Variants in SHC2 observed in about 807,000 individuals in gnomAD.
The protein encoded by SHC2 is SHC adaptor protein 2.
A neutral mutation model predicts 60.6 loss-of-function variants in SHC2; 62 were observed. The observed-to-expected ratio is 1.02, with a 90% CI of 0.83 to 1.26. The LOEUF is 1.26. Ranked by LOEUF, SHC2 falls within the 50% of genes most tolerant of loss-of-function variation. SHC2 has a pLI of 0.00. For synonymous variants in SHC2, 375 were observed against 372.4 expected (o/e 1.01, Z -0.08); for missense variants, 873 against 822.2 (o/e 1.06, Z -0.76).
In SHC2 at chr19:436,371, G is replaced by T. The variant is rs1974719850; in HGVS notation, c.826+9C>A. 2 of 1,595,084 alleles carry T rather than the reference G, an allele frequency of 1.3e-6. No individual in the cohort carries two copies. The highest frequency in any genetic ancestry group is 1.7e-6 in the Non-Finnish European group (2 of 1,167,424). On this transcript the variant is annotated intron_variant, in intron 6 of 12. Transcript: ENST00000264554. ...ACAGGACCCCCACCGGCCTCCCCGG[G>T]GGCCTCACCTCTCTGGTTGATGGGG...
chr19:453,897 C>T lies in SHC2; in HGVS notation c.468+6632G>A, dbSNP rs1471326734. On this transcript the variant is annotated intron_variant, in intron 1 of 12. Coordinates refer to ENST00000264554, the MANE Select transcript of SHC2 (RefSeq NM_012435.3). This position sits in a 1 kb window ranked among gnomAD's most constrained non-coding sequence, Gnocchi z 6.3. ...CGTGAGGGCACCGCAGAGAGCAGGA[C>T]GGCCTGACTCACGGGACTTCTGTGT... Among the ~76,000 whole-genome samples the T allele has an allele frequency of 3.9e-5, 6 of 152,194 alleles. No homozygotes were observed. The highest frequency in any genetic ancestry group is 4.1e-4 in the South Asian group (2 of 4,830).
Position 440,723 on chromosome 19 carries a change from AG to A in SHC2, c.539+138del. On this transcript the variant is annotated intron_variant, in intron 2 of 12. Coordinates refer to ENST00000264554, the MANE Select transcript of SHC2 (RefSeq NM_012435.3). This position sits in a 1 kb window ranked among gnomAD's most constrained non-coding sequence, Gnocchi z 7.0. ...GGGCGGAGACGTGGCGTGAAGTGGG[AG>A]GGAGGTGGGGGGCACCGAGGCTGCG... is the stretch of plus-strand genomic sequence containing the variant. 1 of 714,544 alleles carries A rather than the reference AG, an allele frequency of 1.4e-6. No individual in the cohort carries two copies. The highest frequency in any genetic ancestry group is 1.7e-5 in the African/African-American group (1 of 58,006). 44.3% of individuals were successfully genotyped at this position (714,544 alleles called of 1,614,324 possible).
At position 441,257 on chromosome 19, in the gene SHC2, C is replaced by T. The variant is rs57563732; in HGVS notation, c.469-325G>A. The stretch of plus-strand genomic sequence containing the variant: ...CTTTCTGTTCCACCAGCACCGAAGC[C>T]GAGGAGCGTGGGGATGGTGCGATCC... On this transcript the variant is annotated intron_variant, in intron 1 of 12. Coordinates refer to ENST00000264554, the MANE Select transcript of SHC2 (RefSeq NM_012435.3). The surrounding 1 kb of genome is among the most constrained non-coding windows in gnomAD (Gnocchi z 4.9). The T allele has an allele frequency of 0.016, 12,313 of 764,300 alleles. 1,268 individuals carry two copies. In the African/African-American group the frequency reaches 0.22, roughly 14 times the overall value. The allele number at this position is 764,300 out of a possible 1,614,324, so 47.3% of individuals were successfully genotyped here. A position where few individuals can be genotyped will look rare whatever the true frequency, so the allele number is the denominator to read the frequency against.
chr19:459,986 C>T (rs976616624), intron 1 of SHC2, among the ~76,000 whole-genome samples: 6 of 152,196 alleles, frequency 3.9e-5, no homozygotes, highest in African/African-American at 1.4e-4. Flanking sequence ...CGCCCGACTT[C>T]CCCGTGTGTT....
chr19:423,965 T>C (rs1367332755), intron 10 of SHC2, among the ~76,000 whole-genome samples: 1 of 152,198 alleles, frequency 6.6e-6, no homozygotes, highest in East Asian at 1.9e-4. Flanking sequence ...GAGCAAGCTC[T>C]TCACGTAGTG....
rs181506465 is a variant in SHC2, at chr19:429,709, C to G, written c.1174+975G>C. ...ACCTATACCCAACATGCACGGAAAC[C>G]TAACACCGTGTGGATGACGCAGTAC... On this transcript the variant is annotated intron_variant, in intron 9 of 12. Transcript: ENST00000264554. Among the ~76,000 whole-genome samples the G allele has an allele frequency of 5.6e-3, 807 of 144,774 alleles. 6 individuals carry two copies. The highest frequency in any genetic ancestry group is 9.3e-3 in the Non-Finnish European group (607 of 65,170). The allele number at this position is 144,774 out of a possible 152,430, so 95.0% of individuals were successfully genotyped here.
At chr19:459,463 T>TGAACCCAGAGTAGGGGGAAGGACCCCA (rs1568301700) in intron 1 of SHC2, among the ~76,000 whole-genome samples, 3 of 53,608 alleles carry the variant, frequency 5.6e-5, no homozygotes, top group Non-Finnish European at 8.5e-5. Context: ...GAAGGACCCC[T>TGAACCCAGAGTAGGGGGAAGGACCCCA]CTCAACTCAG....
chr19:436,538 G>C, intron 5 of SHC2, 92 bp downstream of exon 5: 1 of 1,582,964 alleles, frequency 6.3e-7, no homozygotes, highest in Non-Finnish European at 8.6e-7. Context: ...TGGGCACAGG[G>C]TACGTTAGGC....
chr19:431,017 A>G lies in SHC2; in HGVS notation c.1111-270T>C, dbSNP rs369209612. On this transcript the variant is annotated intron_variant, in intron 8 of 12. Coordinates refer to ENST00000264554, the MANE Select transcript of SHC2 (RefSeq NM_012435.3). ...CAATGGCTGTTCCCCCTGCCTGGAT[A>G]ACCTTCCCCGCTCTGCTCTCCCAGG... is the stretch of plus-strand genomic sequence containing the variant. Among the ~76,000 whole-genome samples, 127 of 152,288 alleles carry G rather than the reference A, an allele frequency of 8.3e-4. No homozygotes were observed. In the Middle Eastern group the frequency reaches 0.01, roughly 12 times the overall value.
Position 461,002 on chromosome 19 carries a change from C to A in SHC2, c.-6G>T. The stretch of plus-strand genomic sequence containing the variant: ...CCGCCCGGACCCTGCGTCATGGCCG[C>A]GGCCGCCCGACGGAGCCCGACCGGG... On this transcript the variant is annotated 5_prime_UTR_variant, in exon 1 of 13. Coordinates refer to ENST00000264554, the MANE Select transcript of SHC2 (RefSeq NM_012435.3). 1.0e-6 allele frequency: 1 copy of A among 955,456 alleles called. No individual in the cohort carries two copies. The highest frequency in any genetic ancestry group is 1.2e-6 in the Non-Finnish European group (1 of 802,502). The allele number at this position is 955,456 out of a possible 1,614,324, so 59.2% of individuals were successfully genotyped here. A position where few individuals can be genotyped will look rare whatever the true frequency, so the allele number is the denominator to read the frequency against.
Position 453,645 on chromosome 19 carries a change from C to T in SHC2, c.468+6884G>A, listed in dbSNP as rs138815898. Among the ~76,000 whole-genome samples the T allele has an allele frequency of 3.3e-5, 5 of 152,306 alleles. No homozygotes were observed. The East Asian group carries it at 5.8e-4, about 18-fold the overall frequency. The stretch of plus-strand genomic sequence containing the variant: ...TGTCAACTGGCCACACCTGACCCCT[C>T]GCCTTCAAGGAAAAGCTGCATTTGG... On this transcript the variant is annotated intron_variant, in intron 1 of 12. Coordinates refer to ENST00000264554, the MANE Select transcript of SHC2 (RefSeq NM_012435.3). The surrounding 1 kb of genome is among the most constrained non-coding windows in gnomAD (Gnocchi z 6.3).
rs746474476 is a variant in SHC2 at position 460,666 on chromosome 19, GCCCGCCCCGCGACCCCCGCGACCC to G, written c.307_330del (p.Gly103_Gly110del). Reference sequence around the variant, plus strand: ...GCGTCCCCGGACCCCGCCGCCCCCCGCCCGCCCCGCGACCCCCGCGACCCCGCGCCCCGACAGCGGCTGAGCGCG... The same window carrying G: ...GCGTCCCCGGACCCCGCCGCCCCCCGCGCGCCCCGACAGCGGCTGAGCGCG... On this transcript the variant is annotated inframe_deletion, in exon 1 of 13. Coordinates refer to ENST00000264554, the MANE Select transcript of SHC2 (RefSeq NM_012435.3). 2 of 1,114,396 alleles carry G rather than the reference GCCCGCCCCGCGACCCCCGCGACCC, an allele frequency of 1.8e-6. No homozygotes were observed. The highest frequency in any genetic ancestry group is 3.4e-5 in the African/African-American group (2 of 59,432). The allele number at this position is 1,114,396 out of a possible 1,614,324, so 69.0% of individuals were successfully genotyped here. A position where few individuals can be genotyped will look rare whatever the true frequency, so the allele number is the denominator to read the frequency against.
intron 11 of SHC2, among the ~76,000 whole-genome samples, chr19:420,932 C>T (rs1974253578): frequency 6.6e-6 from 1 of 152,004 alleles, no homozygotes; most frequent in Admixed American, 6.6e-5. Flanking sequence ...CGCCTGTAGT[C>T]TCAGCTACTC....
In SHC2 at chr19:460,895, C is replaced by T. The variant is rs1388728761; in HGVS notation, c.102G>A (p.Gln34=). 2 of 991,792 alleles carry T rather than the reference C, an allele frequency of 2.0e-6. No homozygotes were observed. Among genetic ancestry groups the T allele is most frequent in the Non-Finnish European group, 2.4e-6 (2 of 835,500 alleles). The allele number at this position is 991,792 out of a possible 1,614,324, so 61.4% of individuals were successfully genotyped here. A position where few individuals can be genotyped will look rare whatever the true frequency, so the allele number is the denominator to read the frequency against. ...AGCCGCCCGGGGCCGCGAACTTCCA[C>T]TGCGGCATTCGGGGCAGCAACGCGC... The part of the protein sequence containing the change: ...TFCALLPRMP[Q]WKFAAPGGFL... The change falls in exon 1 of 13, where the codon CAG becomes CAA. Residue 34 remains glutamine, a synonymous_variant. Coordinates refer to ENST00000264554, the MANE Select transcript of SHC2 (RefSeq NM_012435.3).
At chr19:458,819 T>C (rs905715518) in intron 1 of SHC2, among the ~76,000 whole-genome samples, 8 of 97,476 alleles carry the variant, frequency 8.2e-5, no homozygotes, top group African/African-American at 1.2e-4. Context: ...GAAGCGGGTC[T>C]TGGGGAGGCG....
rs567094388 is a variant in SHC2 at position 421,980 on chromosome 19, AAAACTTCAT to A, written c.1620+157_1620+165del. On this transcript the variant is annotated intron_variant, in intron 11 of 12. Transcript: ENST00000264554. The stretch of plus-strand genomic sequence containing the variant: ...AAGGCAACATCTGGAACAATCTGGA[AAAACTTCAT>A]AAACATGGAAAGCTCCTGCATGCCC... Among the ~76,000 whole-genome samples the A allele has an allele frequency of 9.0e-3, 1,376 of 152,236 alleles. 18 individuals carry two copies. Among genetic ancestry groups the A allele is most frequent in the Non-Finnish European group, 0.014 (923 of 67,996 alleles).
intron 1 of SHC2, among the ~76,000 whole-genome samples, chr19:449,443 G>T (rs1312101409): frequency 6.6e-6 from 1 of 152,144 alleles, no homozygotes. Context: ...TGGGAAAACT[G>T]GTCACATTTG....
chr19:456,488 C>T (rs558017358), intron 1 of SHC2, among the ~76,000 whole-genome samples: 6 of 152,292 alleles, frequency 3.9e-5, no homozygotes, highest in Admixed American at 1.3e-4. Context: ...CTTCCAGACC[C>T]TCCTCCTCCC....
In SHC2 at chr19:438,430, G is replaced by C. The variant is rs77863989; in HGVS notation, c.720+288C>G. 0.018 allele frequency among the ~76,000 whole-genome samples: 2,703 copies of C among 152,332 alleles called. 86 individuals are homozygous for C. The highest frequency in any genetic ancestry group is 0.061 in the African/African-American group (2,533 of 41,578). On this transcript the variant is annotated intron_variant, in intron 4 of 12. Coordinates refer to ENST00000264554, the MANE Select transcript of SHC2 (RefSeq NM_012435.3). This position sits in a 1 kb window ranked among gnomAD's most constrained non-coding sequence, Gnocchi z 5.0. ...GGATGTTGGGACGGACCACTCTCTG[G>C]GGTGGGGCGTCCTGGCCCCTGCAGG...
Sources: allele counts gnomAD v4.1 joint callset (sites outside exome capture counted in the v4.1 genomes callset), GRCh38; gene constraint gnomAD v4.1.1; non-coding constraint Gnocchi (gnomAD v3.1); transcripts MANE v1.5; gene names NCBI Gene and HGNC (gene_info 2026-07-23, HGNC 2026-07-21).